The following WWOX variants were observed in gnomAD, a reference collection of about 807,000 sequenced individuals.
WWOX encodes WW domain-containing oxidoreductase.
Under a neutral mutation model 46.2 loss-of-function variants are expected in WWOX, and 69 were observed. That is an observed-to-expected ratio of 1.49 (90% CI 1.23 to 1.82). WWOX has a LOEUF of 1.82. WWOX is among the 40% of genes most tolerant of loss of function. WWOX has a pLI of 0.00. For missense variants in WWOX, 919 were observed against 542.6 expected, an observed-to-expected ratio of 1.69 and a Z score of -6.89; for synonymous variants, 359 against 202.6, an observed-to-expected ratio of 1.77 and a Z score of -6.56.
At chr16:78,546,155 A>G (rs944687423) in intron 8 of WWOX, among the ~76,000 whole-genome samples, 7 of 152,192 alleles carry the variant, frequency 4.6e-5, no homozygotes, top group Non-Finnish European at 5.9e-5. Flanking sequence ...ATTAATCACA[A>G]AAAGCTAATA....
chr16:78,894,811 A>T (rs958571021), intron 8 of WWOX, among the ~76,000 whole-genome samples: 1 of 152,158 alleles, frequency 6.6e-6, no homozygotes, highest in Non-Finnish European at 1.5e-5. Context: ...AGACCCCAAG[A>T]CCGGCTTCAG....
intron 8 of WWOX, among the ~76,000 whole-genome samples, chr16:79,185,143 C>A (rs1185783291): frequency 6.6e-6 from 1 of 152,152 alleles, no homozygotes; most frequent in Non-Finnish European, 1.5e-5. Flanking sequence ...GGGGGAGAGG[C>A]CCCTTCCCTC....
chr16:78,384,789 T>C (rs2082025844), intron 5 of WWOX, among the ~76,000 whole-genome samples: 1 of 152,132 alleles, frequency 6.6e-6, no homozygotes. Flanking sequence ...ACCACTGATG[T>C]GCTGTTGGGG....
At chr16:78,576,057 TTTC>T (rs1335394383) in intron 8 of WWOX, among the ~76,000 whole-genome samples, 6 of 152,270 alleles carry the variant, frequency 3.9e-5, no homozygotes, top group East Asian at 1.9e-4. Flanking sequence ...ATGGAAATCT[TTTC>T]TTGAAGCACA....
intron 8 of WWOX, among the ~76,000 whole-genome samples, chr16:79,052,768 A>C (rs1409943765): frequency 6.6e-6 from 1 of 152,202 alleles, no homozygotes; most frequent in Non-Finnish European, 1.5e-5. Flanking sequence ...AGAAAGTAAA[A>C]ATGGCCTTGC....
At position 78,448,784 on chromosome 16, in the gene WWOX, G is replaced by A. The variant is rs991863114; in HGVS notation, c.1056+16032G>A. Among the ~76,000 whole-genome samples, 3 of 152,204 alleles carry A rather than the reference G, an allele frequency of 2.0e-5. No homozygotes were observed. The East Asian group carries it at 5.8e-4, about 29-fold the overall frequency. On this transcript the variant is annotated intron_variant, in intron 8 of 8. Coordinates refer to ENST00000566780, the MANE Select transcript of WWOX (RefSeq NM_016373.4). ...ATGGGCAGTGAACTTCCCGGAACCAGAGTGTTGCCTTCCTTTTTATCCTTT... is the reference window on the plus strand; with the variant it reads ...ATGGGCAGTGAACTTCCCGGAACCAAAGTGTTGCCTTCCTTTTTATCCTTT...
chr16:78,984,240 T>C (rs574192019), intron 8 of WWOX, among the ~76,000 whole-genome samples: 212 of 152,288 alleles, frequency 1.4e-3, no homozygotes, highest in African/African-American at 4.8e-3. Flanking sequence ...CACATACCCC[T>C]GTACATGTTT....
chr16:78,918,232 A>C (rs1333932681), intron 8 of WWOX, among the ~76,000 whole-genome samples: 2 of 152,176 alleles, frequency 1.3e-5, no homozygotes, highest in Non-Finnish European at 2.9e-5. Flanking sequence ...AGAAAGAAAG[A>C]AAGCCCTATC....
chr16:78,301,688 G>A (rs187630128), intron 5 of WWOX, among the ~76,000 whole-genome samples: 1 of 152,158 alleles, frequency 6.6e-6, no homozygotes, highest in Non-Finnish European at 1.5e-5. Flanking sequence ...AGGGCTGTTT[G>A]CCTGTGATTA....
At chr16:78,776,617 G>C (rs1361783770) in intron 8 of WWOX, among the ~76,000 whole-genome samples, 1 of 152,088 alleles carries the variant, frequency 6.6e-6, no homozygotes, top group Non-Finnish European at 1.5e-5. Flanking sequence ...CACTTTATTA[G>C]TCTGGTCTCA....
At chr16:79,031,744 CTCTT>C (rs910328307) in intron 8 of WWOX, among the ~76,000 whole-genome samples, 10 of 144,732 alleles carry the variant, frequency 6.9e-5, no homozygotes, top group African/African-American at 1.5e-4. Context: ...CTCTCTCTGT[CTCTT>C]TCTTTCTATA....
At chr16:78,901,214 G>A (rs1249132588) in intron 8 of WWOX, among the ~76,000 whole-genome samples, 1 of 152,208 alleles carries the variant, frequency 6.6e-6, no homozygotes, top group African/African-American at 2.4e-5. Flanking sequence ...ATAAAGGAAT[G>A]AAGACATAGA....
intron 8 of WWOX, among the ~76,000 whole-genome samples, chr16:78,804,618 C>T (rs931532464): frequency 6.6e-6 from 1 of 152,230 alleles, no homozygotes; most frequent in Non-Finnish European, 1.5e-5. Flanking sequence ...AAATGTTTTA[C>T]ATGTCAAGCA....
intron 8 of WWOX, among the ~76,000 whole-genome samples, chr16:78,688,415 T>G (rs1358013814): frequency 6.6e-6 from 1 of 151,802 alleles, no homozygotes; most frequent in Non-Finnish European, 1.5e-5. Flanking sequence ...TTTCAGGTCC[T>G]GATGCACTAA....
chr16:78,361,592 C>T (rs987952397), intron 5 of WWOX, among the ~76,000 whole-genome samples: 10 of 151,964 alleles, frequency 6.6e-5, no homozygotes, highest in Non-Finnish European at 1.0e-4. Context: ...AGAGCTATCC[C>T]TTCTCCCCCA....
intron 8 of WWOX, among the ~76,000 whole-genome samples, chr16:78,999,076 A>C (rs951700625): frequency 2.0e-5 from 3 of 152,176 alleles, no homozygotes; most frequent in African/African-American, 4.8e-5. Flanking sequence ...CGTGGAAATC[A>C]AAAGTAGGTT....
At chr16:78,881,354 A>T (rs2044339848) in intron 8 of WWOX, among the ~76,000 whole-genome samples, 1 of 152,186 alleles carries the variant, frequency 6.6e-6, no homozygotes, top group Admixed American at 6.5e-5. Flanking sequence ...AAATCTGAAA[A>T]ATGTTAGTCT....
intron 8 of WWOX, among the ~76,000 whole-genome samples, chr16:78,886,772 CT>C (rs547656273): frequency 6.5e-4 from 98 of 151,928 alleles, no homozygotes; most frequent in Non-Finnish European, 1.6e-4. Context: ...CAAGGAAAGG[CT>C]ATGAAATTCT....
chr16:78,946,235 G>A (rs1250797954), intron 8 of WWOX, among the ~76,000 whole-genome samples: 1 of 152,096 alleles, frequency 6.6e-6, no homozygotes, highest in African/African-American at 2.4e-5. Flanking sequence ...CTGTCGCCCA[G>A]GATGGAGTAC....
Sources: allele counts gnomAD v4.1 joint callset (sites outside exome capture counted in the v4.1 genomes callset), GRCh38; gene constraint gnomAD v4.1.1; transcripts MANE v1.5; gene names NCBI Gene and HGNC (gene_info 2026-07-23, HGNC 2026-07-21).